Variants in CTNNA3 observed in about 807,000 individuals in gnomAD.
CTNNA3 encodes catenin alpha 3.
In CTNNA3, 76 loss-of-function variants were observed where a neutral mutation model predicts 95.7. The ratio of observed to expected loss-of-function variants is 0.79; its 90% CI spans 0.66 to 0.96. CTNNA3 has a LOEUF of 0.96. CTNNA3 is among the 40% of genes least tolerant of loss of function. The pLI, the probability that CTNNA3 is intolerant of heterozygous loss-of-function variation, is 0.00. For missense variants in CTNNA3, 1,191 were observed against 1,089.8 expected (o/e 1.09, Z -1.31); for synonymous variants, 431 against 374.4 (o/e 1.15, Z -1.74).
At chr10:67,703,756 G>C (rs1204332204) in intron 1 of CTNNA3, among the ~76,000 whole-genome samples, 1 of 152,158 alleles carries the variant, frequency 6.6e-6, no homozygotes, top group East Asian at 1.9e-4. Flanking sequence ...ATTCAACATA[G>C]GGTTGGAAGT....
At chr10:67,695,457 T>A (rs1840946104) in intron 1 of CTNNA3, among the ~76,000 whole-genome samples, 2 of 136,010 alleles carry the variant, frequency 1.5e-5, no homozygotes, top group African/African-American at 6.5e-5. Flanking sequence ...TGACTATAAC[T>A]GGTCATCAAA....
intron 11 of CTNNA3, among the ~76,000 whole-genome samples, chr10:66,446,314 A>T (rs939070776): frequency 1.3e-5 from 2 of 152,180 alleles, no homozygotes; most frequent in Non-Finnish European, 2.9e-5. Context: ...ATCCTCCCTA[A>T]CTCATTTTAT....
intron 3 of CTNNA3, among the ~76,000 whole-genome samples, chr10:67,556,003 A>G (rs1056770760): frequency 2.0e-5 from 3 of 152,164 alleles, no homozygotes; most frequent in Non-Finnish European, 2.9e-5. Context: ...TGCATCTATT[A>G]AGATAATTCA....
At chr10:66,163,534 C>G (rs531682212) in intron 13 of CTNNA3, among the ~76,000 whole-genome samples, 1 of 152,156 alleles carries the variant, frequency 6.6e-6, no homozygotes, top group East Asian at 1.9e-4. Context: ...CCCACTTCTT[C>G]AGTTAGGACA....
At chr10:65,962,783 A>G (rs2077876221) in intron 17 of CTNNA3, among the ~76,000 whole-genome samples, 1 of 129,852 alleles carries the variant, frequency 7.7e-6, no homozygotes, top group African/African-American at 3.0e-5. Context: ...TTCAACTCCC[A>G]CTTACGAGTG....
intron 9 of CTNNA3, among the ~76,000 whole-genome samples, chr10:66,704,599 A>T (rs1848058504): frequency 6.6e-6 from 1 of 152,038 alleles, no homozygotes; most frequent in Non-Finnish European, 1.5e-5. Flanking sequence ...CTTAAGAAAG[A>T]TATATTTCAT....
chr10:66,336,881 T>A lies in CTNNA3; in HGVS notation c.1732+42271A>T, dbSNP rs149640813. ...AAGATCTGTAAAGTCAAACTATTTT[T>A]GTAATAATACTAAGACCTTATTTGT... On this transcript the variant is annotated intron_variant, in intron 12 of 17. Coordinates refer to ENST00000433211, the MANE Select transcript of CTNNA3 (RefSeq NM_013266.4). Among the ~76,000 whole-genome samples the A allele has an allele frequency of 5.3e-5, 8 of 152,192 alleles. No homozygotes were observed. The East Asian group carries it at 5.8e-4, about 11-fold the overall frequency.
chr10:67,534,419 A>T (rs1337302249), intron 4 of CTNNA3, among the ~76,000 whole-genome samples: 1 of 152,142 alleles, frequency 6.6e-6, no homozygotes, highest in Non-Finnish European at 1.5e-5. Context: ...TAGAGAGATA[A>T]CTATTCTTTA....
rs1051528631 is a variant in CTNNA3, at chr10:66,181,711, A to G, written c.1885-78462T>C. Among the ~76,000 whole-genome samples, 8 of 152,356 alleles carry G rather than the reference A, an allele frequency of 5.3e-5. No homozygotes were observed. In the South Asian group the frequency reaches 1.7e-3, roughly 32 times the overall value. ...TAAGCTAAATTCATCAGACAAGTGTACAATATTCACATTTCAGTGTTACAA... is the reference window on the plus strand; with the variant it reads ...TAAGCTAAATTCATCAGACAAGTGTGCAATATTCACATTTCAGTGTTACAA... On this transcript the variant is annotated intron_variant, in intron 13 of 17. Coordinates refer to ENST00000433211, the MANE Select transcript of CTNNA3 (RefSeq NM_013266.4).
At chr10:66,232,553 T>C (rs2089637690) in intron 13 of CTNNA3, among the ~76,000 whole-genome samples, 1 of 152,138 alleles carries the variant, frequency 6.6e-6, no homozygotes, top group Non-Finnish European at 1.5e-5. Context: ...GACTTTTCTG[T>C]GCAAATTTAA....
rs1554830246 is a variant in CTNNA3 at position 66,651,800 on chromosome 10, G to GATCGCGGCACACAGCAGC, written c.1282-30017_1282-30016insGCTGCTGTGTGCCGCGAT. On this transcript the variant is annotated intron_variant, in intron 9 of 17. Coordinates refer to ENST00000433211, the MANE Select transcript of CTNNA3 (RefSeq NM_013266.4). ...CCCACGCCCACCCAGAACCCGCATT[G>GATCGCGGCACACAGCAGC]GCCGGTTCCCACCCGCGCCTCTCCC... Among the ~76,000 whole-genome samples the GATCGCGGCACACAGCAGC allele has an allele frequency of 3.7e-3, 556 of 151,464 alleles. 3 individuals carry two copies. Among genetic ancestry groups the GATCGCGGCACACAGCAGC allele is most frequent in the African/African-American group, 0.013 (531 of 41,258 alleles).
At chr10:66,958,343 C>A (rs1848938770) in intron 7 of CTNNA3, among the ~76,000 whole-genome samples, 1 of 147,114 alleles carries the variant, frequency 6.8e-6, no homozygotes, top group African/African-American at 2.5e-5. Context: ...AATGCCTGTG[C>A]CTGAAGGTTA....
chr10:66,930,446 C>T (rs1260142932), intron 7 of CTNNA3, among the ~76,000 whole-genome samples: 1 of 152,048 alleles, frequency 6.6e-6, no homozygotes, highest in African/African-American at 2.4e-5. Context: ...AATACATATT[C>T]CATCTTAAAA....
chr10:66,358,166 ACTAC>A (rs1417978472), intron 12 of CTNNA3, among the ~76,000 whole-genome samples: 2 of 152,188 alleles, frequency 1.3e-5, no homozygotes, highest in African/African-American at 4.8e-5. Flanking sequence ...TGCTGCCACC[ACTAC>A]CTCCAAAGTG....
At chr10:67,279,558 G>A (rs1196484024) in intron 5 of CTNNA3, among the ~76,000 whole-genome samples, 1 of 151,000 alleles carries the variant, frequency 6.6e-6, no homozygotes, top group Non-Finnish European at 1.5e-5. Flanking sequence ...TTAGGTATTT[G>A]TCTTGTGCTT....
At chr10:66,962,887 C>T (rs1849197276) in intron 7 of CTNNA3, among the ~76,000 whole-genome samples, 1 of 151,978 alleles carries the variant, frequency 6.6e-6, no homozygotes, top group African/African-American at 2.4e-5. Context: ...AACAATGCAC[C>T]CCATAAAGGC....
intron 11 of CTNNA3, among the ~76,000 whole-genome samples, chr10:66,464,621 G>C (rs572384722): frequency 6.6e-6 from 1 of 151,904 alleles, no homozygotes; most frequent in Admixed American, 6.6e-5. Flanking sequence ...AAATTAGCTG[G>C]GTGTGGTGGT....
At chr10:66,632,830 C>T (rs7087176) in intron 9 of CTNNA3, among the ~76,000 whole-genome samples, 56,619 of 151,674 alleles carry the variant, frequency 0.37, 10,779 homozygotes, top group Middle Eastern at 0.5. Context: ...TTATTATCCA[C>T]AGGTATAAAT....
intron 13 of CTNNA3, among the ~76,000 whole-genome samples, chr10:66,218,975 T>C (rs1172957400): frequency 1.3e-5 from 2 of 152,198 alleles, no homozygotes; most frequent in Non-Finnish European, 2.9e-5. Context: ...TAACTTCCAT[T>C]GTTCTCCTTT....
Sources: allele counts gnomAD v4.1 joint callset (sites outside exome capture counted in the v4.1 genomes callset), GRCh38; gene constraint gnomAD v4.1.1; transcripts MANE v1.5; gene names NCBI Gene and HGNC (gene_info 2026-07-23, HGNC 2026-07-21).